NR1I2: variants seen among roughly 807,000 people sequenced by gnomAD.
NR1I2 encodes orphan nuclear receptor PAR1.
A neutral mutation model predicts 43.3 loss-of-function variants in NR1I2; 42 were observed. The ratio of observed to expected loss-of-function variants is 0.97; its 90% confidence interval spans 0.76 to 1.26. The LOEUF (loss-of-function observed/expected upper bound fraction) is 1.26. Among genes scored for constraint, NR1I2 ranks in the 50% most tolerant of loss-of-function variants. NR1I2 has a pLI of 0.00. For synonymous variants in NR1I2, 229 were observed against 215.0 expected (o/e 1.06, Z -0.57); for missense variants, 559 against 566.7 (o/e 0.99, Z 0.14).
intron 1 of NR1I2, chr3:119,791,686 G>C (rs995051733): frequency 1.4e-5 from 5 of 345,692 alleles, no homozygotes; most frequent in Non-Finnish European, 2.3e-5. Flanking sequence ...AGGCTGAGGC[G>C]GGCGGATCAC....
In NR1I2 at chr3:119,812,261, T is replaced by A. The variant is rs113994497; in HGVS notation, c.520-425T>A. The stretch of plus-strand genomic sequence containing the variant: ...TCCTTCCCCTTTGCACTGATAGATA[T>A]CTCAAGTGGCCCTTCACAGCCCAAA... On this transcript the variant is annotated intron_variant, in intron 4 of 8. Coordinates refer to ENST00000393716, the MANE Select transcript of NR1I2 (RefSeq NM_003889.4). Among the ~76,000 whole-genome samples, 511 of 152,224 alleles carry A rather than the reference T, an allele frequency of 3.4e-3. 1 individual carries two copies. Among genetic ancestry groups the A allele is most frequent in the Middle Eastern group, 0.017 (5 of 294 alleles).
rs1311427352 is a variant in NR1I2 at position 119,809,088 on chromosome 3, C to A, written c.198-973C>A. On this transcript the variant is annotated intron_variant, in intron 2 of 8. Coordinates refer to ENST00000393716, the MANE Select transcript of NR1I2 (RefSeq NM_003889.4). ...AGCTTCCCAGGCCTGCCCTCGGGGACCTCTGCAGCCCTACCTGGCTGTTCC... is the reference window on the plus strand; with the variant it reads ...AGCTTCCCAGGCCTGCCCTCGGGGAACTCTGCAGCCCTACCTGGCTGTTCC... 2.0e-5 allele frequency among the ~76,000 whole-genome samples: 3 copies of A among 152,206 alleles called. No homozygotes were observed. In the East Asian group the frequency reaches 5.8e-4, roughly 29 times the overall value.
rs150543154 is a variant in NR1I2 at position 119,812,853 on chromosome 3, C to T, written c.687C>T (p.Ala229=). Residue 229 remains alanine, a synonymous_variant, in exon 5 of 9, where the codon GCC becomes GCT. Coordinates refer to ENST00000393716, the MANE Select transcript of NR1I2 (RefSeq NM_003889.4). ...GTGTCTGGAACTACAAACCCCCAGC[C>T]GACAGTGGCGGGAAAGAGATCTTCT... The T allele has an allele frequency of 1.0e-4, 169 of 1,614,202 alleles. 1 individual carries two copies. Among genetic ancestry groups the T allele is most frequent in the East Asian group, 4.2e-4 (19 of 44,890 alleles).
At position 119,782,521 on chromosome 3, in the gene NR1I2, C is replaced by T. The variant is rs940083574; in HGVS notation, c.-23+221C>T. Among the ~76,000 whole-genome samples the T allele has an allele frequency of 1.6e-4, 23 of 148,370 alleles. 1 individual carries two copies. Among genetic ancestry groups the T allele is most frequent in the Admixed American group, 1.2e-3 (18 of 14,758 alleles). ...AGCCCCATTACTGATGCTCTCTGGTCCTGCACTAGCCTCCTAGAAAAATCA... is the reference window on the plus strand; with the variant it reads ...AGCCCCATTACTGATGCTCTCTGGTTCTGCACTAGCCTCCTAGAAAAATCA... On this transcript the variant is annotated intron_variant, in intron 1 of 8. Transcript: ENST00000393716.
intron 1 of NR1I2, chr3:119,792,231 G>A: frequency 6.5e-7 from 1 of 1,537,450 alleles, no homozygotes; most frequent in Non-Finnish European, 8.9e-7. Context: ...TGATGCTGGA[G>A]AACTAATCAC....
At chr3:119,815,273 C>T (rs778518092) in intron 6 of NR1I2, 50 bp from the exon 7 acceptor site, 1 of 1,576,524 alleles carries the variant, frequency 6.3e-7, no homozygotes, top group Non-Finnish European at 8.7e-7. Flanking sequence ...ATGATTAGAT[C>T]TTGGTCAGCT....
In NR1I2 at chr3:119,812,694, G is replaced by C; in HGVS notation, c.528G>C (p.Gly176=). The C allele has an allele frequency of 2.5e-6, 4 of 1,613,924 alleles. No individual in the cohort carries two copies. The highest frequency in any genetic ancestry group is 3.4e-6 in the Non-Finnish European group (4 of 1,180,012). Residue 176 remains glycine, a synonymous_variant, in exon 5 of 9, where the codon GGG becomes GGC. Transcript: ENST00000393716. ...CCTGGCATGTGTCCTAGCTGCCAGG[G>C]GTGCTTAGCAGTGGCTGCGAGTTGC...
In NR1I2 at chr3:119,811,576, C is replaced by T. The variant is rs147693239; in HGVS notation, c.369C>T (p.Ala123=). 1.3e-3 allele frequency: 2,055 copies of T among 1,613,812 alleles called. 2 individuals are homozygous for T. The highest frequency in any genetic ancestry group is 1.6e-3 in the Non-Finnish European group (1,891 of 1,179,860). ...ACGAGGCCGTGGAGGAGAGGCGGGC[C>T]TTGATCAAGCGGAAGAAAAGTGAAC... Residue 123 remains alanine (A), a synonymous_variant, in exon 4 of 9, where the codon GCC becomes GCT. Coordinates refer to ENST00000393716, the MANE Select transcript of NR1I2 (RefSeq NM_003889.4).
Position 119,815,590 on chromosome 3 carries a change from A to G in NR1I2, c.1055-136A>G, listed in dbSNP as rs1478869609. ...CTCCTGGGGTCAGTGGGTGATGCCCAGCCCTGGTCTTCCTTCACTTCCCTG... is the reference window on the plus strand; with the variant it reads ...CTCCTGGGGTCAGTGGGTGATGCCCGGCCCTGGTCTTCCTTCACTTCCCTG... On this transcript the variant is annotated intron_variant, in intron 7 of 8. Coordinates refer to ENST00000393716, the MANE Select transcript of NR1I2 (RefSeq NM_003889.4). The G allele has an allele frequency of 1.2e-5, 12 of 1,015,656 alleles. No homozygotes were observed. In the Middle Eastern group the frequency reaches 1.0e-3, roughly 87 times the overall value. The allele number at this position is 1,015,656 out of a possible 1,614,324, so 62.9% of individuals were successfully genotyped here.
chr3:119,814,055 A>C (rs2055283958), intron 5 of NR1I2, among the ~76,000 whole-genome samples: 2 of 152,180 alleles, frequency 1.3e-5, no homozygotes, highest in Admixed American at 1.3e-4. Context: ...TAAGCTGGGC[A>C]ATGGGGAGGC....
rs932328250 is a variant in NR1I2 at position 119,815,445 on chromosome 3, G to T, written c.1054+6G>T. The T allele has an allele frequency of 1.6e-5, 25 of 1,601,754 alleles. No individual in the cohort carries two copies. Among genetic ancestry groups the T allele is most frequent in the African/African-American group, 2.7e-5 (2 of 74,654 alleles). ...CATCTCCCTCTTCTCCCCAGGTGAG[G>T]ATCTCCCCTAGGCTGCCTGACATCC... On this transcript the variant is annotated splice_donor_region_variant and intron_variant, in intron 7 of 8. Coordinates refer to ENST00000393716, the MANE Select transcript of NR1I2 (RefSeq NM_003889.4).
chr3:119,814,981 A>T lies in NR1I2; in HGVS notation c.797A>T (p.Asp266Val), dbSNP rs1559791515. Residue 266 changes from aspartate (D) to valine (V), a missense_variant and splice_region_variant, in exon 6 of 9, where the codon GAC becomes GTC. Around this residue, in one of 3 missense-constraint regions of NR1I2, gnomAD observed 323 missense variants for 312.2 expected, o/e 1.03. Transcript: ENST00000393716. ...CCCCTCCCCATCCTTGCTGCCAGGGACTTGCCCATCGAGGACCAGATCTCC... is the reference window on the plus strand; with the variant it reads ...CCCCTCCCCATCCTTGCTGCCAGGGTCTTGCCCATCGAGGACCAGATCTCC... 1 of 1,613,950 alleles carries T rather than the reference A, an allele frequency of 6.2e-7. No individual in the cohort carries two copies. The highest frequency in any genetic ancestry group is 8.5e-7 in the Non-Finnish European group (1 of 1,179,994).
intron 1 of NR1I2, among the ~76,000 whole-genome samples, chr3:119,800,564 A>C (rs960585639): frequency 6.6e-6 from 1 of 151,780 alleles, no homozygotes; most frequent in African/African-American, 2.4e-5. Flanking sequence ...TTTATTTTTC[A>C]TTAATCATAG....
intron 1 of NR1I2, among the ~76,000 whole-genome samples, chr3:119,798,926 C>T (rs2055039302): frequency 1.3e-5 from 2 of 152,198 alleles, no homozygotes; most frequent in South Asian, 2.1e-4. Flanking sequence ...GTGCATTCCA[C>T]ATTTTATTGA....
chr3:119,815,377 A>G lies in NR1I2; in HGVS notation c.992A>G (p.Lys331Arg). 6.2e-7 allele frequency: 1 copy of G among 1,613,868 alleles called. No homozygotes were observed. ...ATGCTGAAATTCCACTACATGCTGA[A>G]GAAGCTGCAGCTGCATGAGGAGGAG... Residue 331 changes from lysine to arginine, a missense_variant, in exon 7 of 9, where the codon AAG (lysine) becomes AGG (arginine). Transcript: ENST00000393716.
intron 1 of NR1I2, among the ~76,000 whole-genome samples, chr3:119,801,835 G>A (rs2055085595): frequency 6.6e-6 from 1 of 152,160 alleles, no homozygotes; most frequent in African/African-American, 2.4e-5. Flanking sequence ...GTTTGGTGAG[G>A]GCGGCCGGGA....
At chr3:119,790,972 T>C (rs2054910111) in intron 1 of NR1I2, among the ~76,000 whole-genome samples, 1 of 152,200 alleles carries the variant, frequency 6.6e-6, no homozygotes, top group Admixed American at 6.5e-5. Context: ...TAGTCTGCAT[T>C]GTCAAGGAGT....
At chr3:119,813,218 C>A (rs1322410804) in intron 5 of NR1I2, among the ~76,000 whole-genome samples, 1 of 152,222 alleles carries the variant, frequency 6.6e-6, no homozygotes, top group Non-Finnish European at 1.5e-5. Flanking sequence ...GCCTCCCCTG[C>A]AGGGCTGTTC....
At chr3:119,799,342 A>G (rs2055044771) in intron 1 of NR1I2, among the ~76,000 whole-genome samples, 1 of 152,154 alleles carries the variant, frequency 6.6e-6, no homozygotes. Flanking sequence ...TTGGTGAAAT[A>G]TCTATTTTAA....
Sources: gnomAD v4.1 joint callset for allele counts (sites outside exome capture counted in the v4.1 genomes callset) on GRCh38, gnomAD v4.1.1 for gene constraint, gnomAD v4.1.1 regional missense constraint, MANE v1.5 for transcripts, NCBI Gene and HGNC (gene_info 2026-07-23, HGNC 2026-07-21) for gene names.